Variants in UGGT2 observed in about 807,000 individuals in gnomAD.
UGGT2 encodes UDP-glucose:glycoprotein glucosyltransferase 2.
UGGT2 carries 180 observed loss-of-function variants against 192.1 expected under a neutral mutation model. The ratio of observed to expected loss-of-function variants is 0.94; its 90% CI spans 0.83 to 1.06. The LOEUF (loss-of-function observed/expected upper bound fraction) is 1.06. Among genes scored for constraint, UGGT2 ranks in the 50% least tolerant of loss-of-function variants. The probability of loss-of-function intolerance (pLI) is 0.00; values close to 1 mark genes in which losing one functional copy is unlikely to be tolerated. For missense variants in UGGT2, 1,849 were observed against 1,795.7 expected (o/e 1.03, Z -0.54); for synonymous variants, 580 against 591.0 (o/e 0.98, Z 0.27).
chr13:95,901,775 G>T (rs765727750), intron 21 of UGGT2, among the ~76,000 whole-genome samples: 9 of 152,068 alleles, frequency 5.9e-5, no homozygotes, highest in Non-Finnish European at 8.8e-5. Context: ...TGGCTGTGGT[G>T]TTGGACCATG....
At chr13:95,967,299 C>T (rs1282093077) in intron 12 of UGGT2, among the ~76,000 whole-genome samples, 1 of 151,664 alleles carries the variant, frequency 6.6e-6, no homozygotes, top group Non-Finnish European at 1.5e-5. Context: ...ACTACAGGCA[C>T]GTACCACCAC....
Position 95,922,429 on chromosome 13 carries a change from A to G in UGGT2, c.2295+3251T>C, listed in dbSNP as rs549672259. Among the ~76,000 whole-genome samples, 14 of 146,972 alleles carry G rather than the reference A, an allele frequency of 9.5e-5. No homozygotes were observed. In the South Asian group the frequency reaches 2.2e-3, roughly 23 times the overall value. On this transcript the variant is annotated intron_variant, in intron 20 of 38. Transcript: ENST00000376747. Reference sequence around the variant, plus strand: ...CATCACACAATATGCCCATGTAACAAATCTCCACATGTACCCCTGGAATCA... The same window carrying G: ...CATCACACAATATGCCCATGTAACAGATCTCCACATGTACCCCTGGAATCA...
chr13:96,026,268 G>A (rs969237231), intron 2 of UGGT2, among the ~76,000 whole-genome samples: 2 of 152,036 alleles, frequency 1.3e-5, no homozygotes, highest in African/African-American at 4.8e-5. Context: ...AGAACTCAAG[G>A]GCTATTTTTC....
chr13:95,933,181 G>A (rs1425792969), intron 17 of UGGT2, among the ~76,000 whole-genome samples: 1 of 152,146 alleles, frequency 6.6e-6, no homozygotes, highest in Non-Finnish European at 1.5e-5. Context: ...TTATACATCT[G>A]GCAGAATTCA....
intron 1 of UGGT2, among the ~76,000 whole-genome samples, chr13:96,032,291 G>A (rs1425190383): frequency 6.6e-6 from 1 of 151,762 alleles, no homozygotes; most frequent in Non-Finnish European, 1.5e-5. Flanking sequence ...AAATGCCACT[G>A]AGAAATACAA....
At chr13:95,875,816 GA>G (rs1273550764) in intron 29 of UGGT2, among the ~76,000 whole-genome samples, 9 of 152,122 alleles carry the variant, frequency 5.9e-5, no homozygotes, top group Non-Finnish European at 1.3e-4. Flanking sequence ...GTATAAAGGG[GA>G]AAGAGTGGTG....
chr13:95,961,351 A>G (rs1010620229), intron 12 of UGGT2, among the ~76,000 whole-genome samples: 1 of 152,186 alleles, frequency 6.6e-6, no homozygotes, highest in Non-Finnish European at 1.5e-5. Flanking sequence ...ACACTGCCTT[A>G]AAGAAACTCA....
chr13:95,868,375 C>T lies in UGGT2; in HGVS notation c.3474-952G>A, dbSNP rs117566956. On this transcript the variant is annotated intron_variant, in intron 29 of 38. Transcript: ENST00000376747. The stretch of plus-strand genomic sequence containing the variant: ...CTTTGGGAGGCTGGGGTGGGAGAAT[C>T]GCTTGAGTCTAGGAGTTTGAGACCA... Among the ~76,000 whole-genome samples the T allele has an allele frequency of 1.5e-3, 222 of 152,002 alleles. 3 individuals are homozygous for T. The highest frequency in any genetic ancestry group is 4.4e-3 in the African/African-American group (181 of 41,466).
intron 17 of UGGT2, 130 bp from the exon 18 acceptor site, chr13:95,927,466 CTTTCTTTTTTT>C: frequency 1.7e-6 from 1 of 590,058 alleles, no homozygotes; most frequent in Non-Finnish European, 2.6e-6. Flanking sequence ...AATACATTTT[CTTTCTTTTTTT>C]TTTTTTTTTT....
intron 10 of UGGT2, among the ~76,000 whole-genome samples, chr13:95,975,097 A>T (rs2050895638): frequency 6.6e-6 from 1 of 152,164 alleles, no homozygotes; most frequent in African/African-American, 2.4e-5. Context: ...ATAAATATGA[A>T]AAATGTCCCC....
chr13:96,034,312 T>G (rs1368573836), intron 1 of UGGT2, among the ~76,000 whole-genome samples: 1 of 152,188 alleles, frequency 6.6e-6, no homozygotes, highest in Middle Eastern at 3.2e-3. Flanking sequence ...TCCTCTCTAG[T>G]GACAGCTGCG....
intron 24 of UGGT2, 105 bp downstream of exon 24, chr13:95,894,457 A>C (rs907760179): frequency 5.8e-6 from 5 of 857,752 alleles, no homozygotes; most frequent in Non-Finnish European, 9.1e-6. Context: ...TTCCCTAATA[A>C]ATAACTTTTA....
At chr13:95,854,207 C>T (rs1889345719) in intron 35 of UGGT2, 108 bp downstream of exon 35, 2 of 1,277,122 alleles carry the variant, frequency 1.6e-6, no homozygotes, top group Non-Finnish European at 2.2e-6. Context: ...TAATTGGTTG[C>T]TTTTATTGTG....
At chr13:95,874,863 T>C (rs1445627559) in intron 29 of UGGT2, among the ~76,000 whole-genome samples, 1 of 152,154 alleles carries the variant, frequency 6.6e-6, no homozygotes, top group Admixed American at 6.5e-5. Context: ...GCCTACTTTT[T>C]TGATTTTACA....
At chr13:95,900,244 T>C (rs576374274) in intron 22 of UGGT2, among the ~76,000 whole-genome samples, 12 of 152,204 alleles carry the variant, frequency 7.9e-5, no homozygotes, top group East Asian at 1.9e-4. Flanking sequence ...TGGCTATCTA[T>C]GTATGGTAGA....
At chr13:95,918,752 A>G (rs1385903630) in intron 20 of UGGT2, among the ~76,000 whole-genome samples, 2 of 152,210 alleles carry the variant, frequency 1.3e-5, no homozygotes, top group East Asian at 3.8e-4. Context: ...AACCAAAAAA[A>G]GCCTAGGACC....
chr13:95,996,026 G>T (rs1156330786), intron 7 of UGGT2, 37 bp downstream of exon 7: 4 of 1,563,960 alleles, frequency 2.6e-6, no homozygotes, highest in Non-Finnish European at 3.5e-6. Context: ...AAACCAATGG[G>T]TATAATAATA....
intron 17 of UGGT2, among the ~76,000 whole-genome samples, chr13:95,928,011 G>A (rs1332297213): frequency 2.0e-5 from 3 of 152,186 alleles, no homozygotes; most frequent in African/African-American, 7.2e-5. Flanking sequence ...GCATCCCAAG[G>A]CAGAAGAATT....
intron 27 of UGGT2, among the ~76,000 whole-genome samples, chr13:95,879,028 G>A (rs2047419806): frequency 6.6e-6 from 1 of 152,108 alleles, no homozygotes; most frequent in South Asian, 2.1e-4. Context: ...TGACTGGAAA[G>A]ATTTTCATGG....
Sources: gnomAD v4.1 joint callset for allele counts (sites outside exome capture counted in the v4.1 genomes callset) on GRCh38, gnomAD v4.1.1 for gene constraint, MANE v1.5 for transcripts, NCBI Gene and HGNC (gene_info 2026-07-23, HGNC 2026-07-21) for gene names.